MTUS2: variants seen among roughly 807,000 people sequenced by gnomAD.
MTUS2 encodes the protein microtubule-associated tumor suppressor candidate 2.
MTUS2 carries 40 observed loss-of-function variants against 114.1 expected under a neutral mutation model. The ratio of observed to expected loss-of-function variants is 0.35; its 90% CI spans 0.27 to 0.46. The LOEUF is 0.46. Ranked by LOEUF, MTUS2 falls within the 20% of genes least tolerant of loss-of-function variation. MTUS2 has a pLI of 1.00. For missense variants in MTUS2, 1,679 were observed against 1,705.4 expected, an observed-to-expected ratio of 0.98 and a Z score of 0.27; for synonymous variants, 688 against 672.0, an observed-to-expected ratio of 1.02 and a Z score of -0.37.
chr13:29,385,667 C>G (rs138998672), intron 8 of MTUS2, among the ~76,000 whole-genome samples: 1 of 152,148 alleles, frequency 6.6e-6, no homozygotes, highest in African/African-American at 2.4e-5. Flanking sequence ...TCCTTTTTCC[C>G]CAGCTTGGGG....
chr13:29,260,115 A>G (rs1448763555), intron 5 of MTUS2, among the ~76,000 whole-genome samples: 1 of 151,824 alleles, frequency 6.6e-6, no homozygotes, highest in Non-Finnish European at 1.5e-5. Flanking sequence ...TTATTTCTCT[A>G]TGCCATAGGA....
At chr13:28,983,513 C>G (rs145193889) in intron 2 of MTUS2, among the ~76,000 whole-genome samples, 2 of 152,302 alleles carry the variant, frequency 1.3e-5, no homozygotes, top group East Asian at 3.9e-4. Context: ...GTTGAAATAA[C>G]ATTGGGGTCA....
intron 2 of MTUS2, among the ~76,000 whole-genome samples, chr13:28,887,767 C>T (rs941159568): frequency 4.6e-5 from 7 of 152,154 alleles, no homozygotes; most frequent in Non-Finnish European, 1.0e-4. Context: ...TTTTTCTTCT[C>T]CCATGCCACT....
intron 8 of MTUS2, among the ~76,000 whole-genome samples, chr13:29,367,991 G>A (rs971280775): frequency 6.9e-6 from 1 of 145,856 alleles, no homozygotes; most frequent in African/African-American, 2.6e-5. Flanking sequence ...CAGGCTGGAC[G>A]GCAGTGGCGC....
At chr13:28,877,379 T>TA (rs1436435043) in intron 2 of MTUS2, among the ~76,000 whole-genome samples, 1 of 151,762 alleles carries the variant, frequency 6.6e-6, no homozygotes, top group East Asian at 1.9e-4. Context: ...TCGCTATTAA[T>TA]GGAATTATTA....
At chr13:29,478,482 C>T (rs1566225210) in intron 9 of MTUS2, among the ~76,000 whole-genome samples, 2 of 152,094 alleles carry the variant, frequency 1.3e-5, no homozygotes, top group Non-Finnish European at 2.9e-5. Context: ...AATAAAAAGC[C>T]CTCAAGAGTT....
At chr13:28,851,365 A>G (rs73454614) in intron 2 of MTUS2, among the ~76,000 whole-genome samples, 1,908 of 152,384 alleles carry the variant, frequency 0.013, 46 homozygotes, top group African/African-American at 0.043. Context: ...GTAAGTGACC[A>G]GTGGTTCCCA....
chr13:29,156,341 G>A (rs1409192769), intron 5 of MTUS2, among the ~76,000 whole-genome samples: 1 of 152,158 alleles, frequency 6.6e-6, no homozygotes, highest in Admixed American at 6.5e-5. Flanking sequence ...CTGCTTTGCT[G>A]TGTGATCTTG....
chr13:28,980,197 A>G (rs1238899163), intron 2 of MTUS2, among the ~76,000 whole-genome samples: 1 of 152,264 alleles, frequency 6.6e-6, no homozygotes, highest in Non-Finnish European at 1.5e-5. Flanking sequence ...AATTGATTAC[A>G]ATAGAGTCCA....
At chr13:29,232,281 C>T (rs977586765) in intron 5 of MTUS2, among the ~76,000 whole-genome samples, 1 of 43,268 alleles carries the variant, frequency 2.3e-5, no homozygotes, top group African/African-American at 1.2e-4. Flanking sequence ...CATACATACA[C>T]ACACACACAC....
At chr13:29,127,990 G>A (rs769813735) in intron 5 of MTUS2, among the ~76,000 whole-genome samples, 3 of 152,210 alleles carry the variant, frequency 2.0e-5, no homozygotes, top group Non-Finnish European at 4.4e-5. Context: ...GGTGAGATCA[G>A]TGTTGAAGCA....
chr13:28,931,618 G>A (rs1351006446), intron 2 of MTUS2, among the ~76,000 whole-genome samples: 2 of 152,160 alleles, frequency 1.3e-5, no homozygotes, highest in African/African-American at 4.8e-5. Flanking sequence ...GTCTCCAGAA[G>A]TTCTTCCTAG....
intron 2 of MTUS2, among the ~76,000 whole-genome samples, chr13:28,945,670 GTTAT>G (rs1349451157): frequency 3.9e-5 from 6 of 152,042 alleles, no homozygotes; most frequent in African/African-American, 1.4e-4. Flanking sequence ...TTTTAAAGGG[GTTAT>G]TTGTGTTTTG....
At chr13:28,913,641 A>G (rs1398938607) in intron 2 of MTUS2, among the ~76,000 whole-genome samples, 8 of 152,066 alleles carry the variant, frequency 5.3e-5, no homozygotes, top group African/African-American at 1.9e-4. Flanking sequence ...GAATGAGTTA[A>G]GGAGGAGTCC....
At chr13:29,294,909 G>C (rs1266601936) in intron 6 of MTUS2, among the ~76,000 whole-genome samples, 1 of 152,182 alleles carries the variant, frequency 6.6e-6, no homozygotes, top group African/African-American at 2.4e-5. Context: ...ACATTTAAAA[G>C]CCCAGCTCTC....
chr13:29,108,564 A>G (rs980333787), intron 5 of MTUS2, among the ~76,000 whole-genome samples: 2 of 152,210 alleles, frequency 1.3e-5, no homozygotes, highest in Non-Finnish European at 1.5e-5. Flanking sequence ...TGTGGTAAGC[A>G]TAAGCTCAGC....
intron 2 of MTUS2, 103 bp downstream of exon 2, chr13:28,839,953 T>A (rs1057400191): frequency 6.7e-6 from 1 of 150,222 alleles, no homozygotes; most frequent in Non-Finnish European, 1.5e-5. Flanking sequence ...GGTAAATAGC[T>A]GGTGGTAGTT....
intron 2 of MTUS2, among the ~76,000 whole-genome samples, chr13:29,021,088 G>A (rs937747969): frequency 6.6e-6 from 1 of 152,090 alleles, no homozygotes; most frequent in African/African-American, 2.4e-5. Context: ...TCAATGTATC[G>A]AGACCCTATC....
At chr13:29,051,691 G>T (rs1887904915) in intron 4 of MTUS2, among the ~76,000 whole-genome samples, 1 of 152,204 alleles carries the variant, frequency 6.6e-6, no homozygotes, top group Non-Finnish European at 1.5e-5. Flanking sequence ...CAATAATGTT[G>T]AATGCCACTG....
Sources: gnomAD v4.1 joint callset for allele counts (sites outside exome capture counted in the v4.1 genomes callset) on GRCh38, gnomAD v4.1.1 for gene constraint, MANE v1.5 for transcripts, NCBI Gene and HGNC (gene_info 2026-07-23, HGNC 2026-07-21) for gene names.